NDUFAF6: variants seen among roughly 807,000 people sequenced by gnomAD.
NDUFAF6 encodes the protein NADH dehydrogenase (ubiquinone) complex I, assembly factor 6.
Under a neutral mutation model 40.8 loss-of-function variants are expected in NDUFAF6, and 45 were observed. The observed-to-expected ratio is 1.10, with a 90% CI of 0.87 to 1.42. NDUFAF6 has a LOEUF of 1.42. Among genes scored for constraint, NDUFAF6 ranks in the 40% most tolerant of loss-of-function variants. The pLI, the probability that NDUFAF6 is intolerant of heterozygous loss-of-function variation, is 0.00. For missense variants in NDUFAF6, 435 were observed against 418.5 expected, an observed-to-expected ratio of 1.04 and a Z score of -0.34; for synonymous variants, 185 against 155.9, an observed-to-expected ratio of 1.19 and a Z score of -1.39.
chr8:95,024,970 C>T, upstream of NDUFAF6: 1 of 1,291,398 alleles, frequency 7.7e-7, no homozygotes, highest in Non-Finnish European at 9.8e-7. Flanking sequence ...TAGCTGCGCG[C>T]CGACGGCGGG....
upstream of NDUFAF6, among the ~76,000 whole-genome samples, chr8:95,024,607 C>T (rs993561092): frequency 5.9e-5 from 9 of 152,232 alleles, no homozygotes; most frequent in African/African-American, 2.2e-4. Flanking sequence ...CCCAAAGTGC[C>T]AAGGCAGCCC....
chr8:94,993,855 T>C (rs373996272), intron 2 of NDUFAF6, among the ~76,000 whole-genome samples: 6 of 152,196 alleles, frequency 3.9e-5, no homozygotes, highest in African/African-American at 1.4e-4. Context: ...GTCATTGATA[T>C]TGGGGGAGAT....
At chr8:95,048,589 AG>A (rs1291380528) in intron 7 of NDUFAF6, 31 bp downstream of exon 7, 12 of 1,453,472 alleles carry the variant, frequency 8.3e-6, no homozygotes, top group Non-Finnish European at 1.2e-5. Context: ...CAAATCATTT[AG>A]GGAATAATCA....
At chr8:94,989,874 G>A (rs1481039576) in intron 2 of NDUFAF6, among the ~76,000 whole-genome samples, 2 of 152,146 alleles carry the variant, frequency 1.3e-5, no homozygotes, top group East Asian at 1.9e-4. Context: ...CTACAGGTGC[G>A]CACCACCTCC....
intron 2 of NDUFAF6, among the ~76,000 whole-genome samples, chr8:95,018,954 C>A (rs150591259): frequency 1.3e-5 from 2 of 152,306 alleles, no homozygotes; most frequent in East Asian, 3.9e-4. Flanking sequence ...CCACCCATTT[C>A]TCTCCCATGT....
chr8:95,100,776 T>A (rs1809624724), intron 1 of NDUFAF6, among the ~76,000 whole-genome samples: 1 of 152,252 alleles, frequency 6.6e-6, no homozygotes, highest in South Asian at 2.1e-4. Context: ...TGTAGACATT[T>A]CCTGTTTAAC....
At chr8:95,103,736 C>A (rs1206712597), downstream of NDUFAF6, among the ~76,000 whole-genome samples, 1 of 152,180 alleles carries the variant, frequency 6.6e-6, no homozygotes, top group African/African-American at 2.4e-5. Flanking sequence ...CCAGTCCGGG[C>A]ATGCATGGTT....
chr8:94,980,057 A>G (rs1002819891), intron 1 of NDUFAF6, among the ~76,000 whole-genome samples: 1 of 151,860 alleles, frequency 6.6e-6, no homozygotes, highest in Admixed American at 6.6e-5. Flanking sequence ...AGATCATGCC[A>G]CTGCACTGCA....
At chr8:94,983,109 A>T (rs1263570659) in intron 2 of NDUFAF6, among the ~76,000 whole-genome samples, 2 of 152,198 alleles carry the variant, frequency 1.3e-5, no homozygotes, top group African/African-American at 4.8e-5. Flanking sequence ...AAAAGAAATG[A>T]TATACATGAA....
intron 1 of NDUFAF6, among the ~76,000 whole-genome samples, chr8:94,962,519 C>A (rs1482009828): frequency 6.6e-6 from 1 of 152,226 alleles, no homozygotes; most frequent in African/African-American, 2.4e-5. Context: ...TCTCAAACTC[C>A]TGGCCTCAAG....
rs1253802501 is a variant in NDUFAF6, at chr8:95,005,192, G to A, written c.-84+24219G>A. On this transcript the variant is annotated intron_variant, in intron 2 of 9. Coordinates refer to the NDUFAF6 transcript ENST00000396111. Reference sequence around the variant, plus strand: ...GTCTCCAACTCATAGTGTTGCTGTCGGGAGTAACTGAGATGATATAGGCCG... The same window carrying A: ...GTCTCCAACTCATAGTGTTGCTGTCAGGAGTAACTGAGATGATATAGGCCG... Among the ~76,000 whole-genome samples the A allele has an allele frequency of 4.6e-5, 7 of 152,044 alleles. No individual in the cohort carries two copies. In the East Asian group the frequency reaches 7.7e-4, roughly 17 times the overall value.
Position 94,974,230 on chromosome 8 carries a change from TA to T in NDUFAF6, c.-198-6626del, listed in dbSNP as rs199821802. On this transcript the variant is annotated intron_variant, in intron 1 of 9. Transcript: ENST00000396111. The stretch of plus-strand genomic sequence containing the variant: ...CTTAGAGCCAAATCTGTTTTTTTTT[TA>T]AATTATCTTTATTATAAGGAAAAAA... Among the ~76,000 whole-genome samples the T allele has an allele frequency of 1.7e-3, 259 of 150,408 alleles. 3 individuals are homozygous for T. Among genetic ancestry groups the T allele is most frequent in the Non-Finnish European group, 6.7e-4 (45 of 67,524 alleles).
At chr8:95,004,553 T>C (rs1826878095) in intron 2 of NDUFAF6, among the ~76,000 whole-genome samples, 1 of 152,078 alleles carries the variant, frequency 6.6e-6, no homozygotes, top group Non-Finnish European at 1.5e-5. Flanking sequence ...TCTTTCTGTG[T>C]TGCCCAGGCT....
chr8:95,068,445 A>G (rs928878363), intron 9 of NDUFAF6: 2 of 151,978 alleles, frequency 1.3e-5, no homozygotes, highest in East Asian at 3.8e-4. Flanking sequence ...TGCACATGGT[A>G]GGAGCTGAAT....
chr8:95,081,143 C>CTTT (rs559573385), downstream of NDUFAF6, among the ~76,000 whole-genome samples: 13 of 57,712 alleles, frequency 2.3e-4, no homozygotes, highest in African/African-American at 4.0e-4. Flanking sequence ...AGTCCTGCAT[C>CTTT]TTTTTTTTTT....
intron 1 of NDUFAF6, chr8:94,945,402 A>G (rs1356305509): frequency 6.6e-6 from 1 of 152,230 alleles, no homozygotes; most frequent in Admixed American, 6.5e-5. Context: ...TAACTTCACC[A>G]GTTTCTTTTT....
chr8:94,915,252 A>G (rs1159720809), intron 1 of NDUFAF6, among the ~76,000 whole-genome samples: 1 of 151,988 alleles, frequency 6.6e-6, no homozygotes, highest in African/African-American at 2.4e-5. Context: ...CCCCCAGCCA[A>G]TTGTTCTCAT....
At chr8:95,051,915 A>C (rs139331344) in intron 7 of NDUFAF6, among the ~76,000 whole-genome samples, 1 of 152,322 alleles carries the variant, frequency 6.6e-6, no homozygotes, top group African/African-American at 2.4e-5. Context: ...CTGGGGAGTC[A>C]AAATTATTAT....
intron 2 of NDUFAF6, among the ~76,000 whole-genome samples, chr8:94,986,307 A>G (rs115872802): frequency 6.6e-6 from 1 of 152,234 alleles, no homozygotes; most frequent in African/African-American, 2.4e-5. Flanking sequence ...AAACAACTCT[A>G]CTAATAAATA....
Sources: gnomAD v4.1 joint callset for allele counts (sites outside exome capture counted in the v4.1 genomes callset) on GRCh38, gnomAD v4.1.1 for gene constraint, MANE v1.5 for transcripts, NCBI Gene and HGNC (gene_info 2026-07-23, HGNC 2026-07-21) for gene names.